Variants in PRRT1B observed in about 807,000 individuals in gnomAD.
The protein encoded by PRRT1B is dispanin subfamily D member 2.
intron 1 of PRRT1B, among the ~76,000 whole-genome samples, chr9:131,547,785 T>C (rs1405934124): frequency 2.0e-5 from 3 of 152,192 alleles, no homozygotes; most frequent in African/African-American, 7.2e-5. Flanking sequence ...GGCCTCTCTT[T>C]ACTCTCTTCT....
exon 2 of PRRT1B, chr9:131,554,969 C>G: frequency 2.6e-6 from 1 of 391,774 alleles, no homozygotes; most frequent in Non-Finnish European, 4.5e-6. Flanking sequence ...TCTACCCAGC[C>G]GCGCCCACGC....
At chr9:131,559,675 T>G (rs941988674), downstream of PRRT1B, among the ~76,000 whole-genome samples, 1 of 152,218 alleles carries the variant, frequency 6.6e-6, no homozygotes, top group African/African-American at 2.4e-5. Context: ...ACTCTGTGGA[T>G]TTTTGTTCAG....
At chr9:131,554,478 T>C in intron 1 of PRRT1B, 79 bp from the exon 2 acceptor site, 1 of 367,156 alleles carries the variant, frequency 2.7e-6, no homozygotes. Flanking sequence ...GGGAGCTTGG[T>C]TCGTGGGAAC....
At chr9:131,549,107 C>T (rs550758942) in intron 1 of PRRT1B, among the ~76,000 whole-genome samples, 11 of 152,264 alleles carry the variant, frequency 7.2e-5, no homozygotes, top group African/African-American at 2.6e-4. Flanking sequence ...CCAATCCGCT[C>T]CCGACATTAA....
chr9:131,551,144 G>A lies in PRRT1B; in HGVS notation c.26-3413G>A, dbSNP rs79722132. ...TTTTTAGTAGAGACGGGGTTACACC[G>A]TGTTAGCCAGGATGGTCTCAATCTC... On this transcript the variant is annotated intron_variant, in intron 1 of 3. Coordinates refer to ENST00000636672, the Ensembl canonical transcript of PRRT1B. The surrounding 1 kb of genome is among the most constrained non-coding windows in gnomAD (Gnocchi z 4.4). 0.12 allele frequency among the ~76,000 whole-genome samples: 18,564 copies of A among 151,528 alleles called. 1,362 individuals are homozygous for A. Among genetic ancestry groups the A allele is most frequent in the Middle Eastern group, 0.26 (77 of 294 alleles).
rs187382061 is a variant in PRRT1B, at chr9:131,548,708, C to T, written c.25+3068C>T. Among the ~76,000 whole-genome samples, 940 of 152,250 alleles carry T rather than the reference C, an allele frequency of 6.2e-3. 7 individuals are homozygous for T. The highest frequency in any genetic ancestry group is 0.019 in the South Asian group (93 of 4,818). Reference sequence around the variant, plus strand: ...CTTCCTTTTCTACAGACCCATCTGACCTCTCCCCTCCTCCCCAGGCTGCTC... The same window carrying T: ...CTTCCTTTTCTACAGACCCATCTGATCTCTCCCCTCCTCCCCAGGCTGCTC... On this transcript the variant is annotated intron_variant, in intron 1 of 3. Coordinates refer to ENST00000636672, the Ensembl canonical transcript of PRRT1B.
intron 3 of PRRT1B, among the ~76,000 whole-genome samples, chr9:131,556,714 C>G (rs1019780897): frequency 6.6e-6 from 1 of 152,052 alleles, no homozygotes; most frequent in Non-Finnish European, 1.5e-5. Context: ...TCACTGCAAC[C>G]TCCACCCTCT....
intron 1 of PRRT1B, among the ~76,000 whole-genome samples, chr9:131,548,187 C>T (rs1950987939): frequency 6.6e-6 from 1 of 152,106 alleles, no homozygotes; most frequent in African/African-American, 2.4e-5. Context: ...CTCTTCTCTC[C>T]ACTTTCCTGG....
At chr9:131,553,005 C>T (rs1951022086) in intron 1 of PRRT1B, among the ~76,000 whole-genome samples, 1 of 152,048 alleles carries the variant, frequency 6.6e-6, no homozygotes, top group Admixed American at 6.6e-5. Flanking sequence ...GTTTTGACTC[C>T]ACTCCGCAAC....
In PRRT1B at chr9:131,545,645, C is replaced by G. The variant is rs149154893; in HGVS notation, c.25+5C>G. ...AGGCAGGAGCTGGAGGGGCAGGTGC[C>G]GGAGGGGCAGGTGCTGGTGGGACAG... On this transcript the variant is annotated splice_donor_5th_base_variant and intron_variant, in intron 1 of 3. Coordinates refer to ENST00000636672, the Ensembl canonical transcript of PRRT1B. 2 of 391,528 alleles carry G rather than the reference C, an allele frequency of 5.1e-6. No individual in the cohort carries two copies. Among genetic ancestry groups the G allele is most frequent in the East Asian group, 7.1e-5 (2 of 28,032 alleles). The allele number at this position is 391,528 out of a possible 1,614,324, so 24.3% of individuals were successfully genotyped here.
rs1037051693 is a variant in PRRT1B at position 131,551,946 on chromosome 9, C to A, written c.26-2611C>A. Among the ~76,000 whole-genome samples the A allele has an allele frequency of 1.3e-5, 2 of 152,152 alleles. No individual in the cohort carries two copies. The highest frequency in any genetic ancestry group is 2.9e-5 in the Non-Finnish European group (2 of 68,036). On this transcript the variant is annotated intron_variant, in intron 1 of 3. Coordinates refer to ENST00000636672, the Ensembl canonical transcript of PRRT1B. The surrounding 1 kb of genome is among the most constrained non-coding windows in gnomAD (Gnocchi z 4.4). ...ACACGGACACGAGTGAAACCCGCCA[C>A]CACACCTGGCTAATTTTTGTATTTT... is the stretch of plus-strand genomic sequence containing the variant.
intron 1 of PRRT1B, among the ~76,000 whole-genome samples, chr9:131,549,929 G>A (rs982778217): frequency 6.6e-5 from 10 of 151,974 alleles, no homozygotes; most frequent in Admixed American, 1.3e-4. Flanking sequence ...TCTCATTGCC[G>A]CCCTTCTTCC....
At chr9:131,552,288 G>C (rs79480918) in intron 1 of PRRT1B, among the ~76,000 whole-genome samples, 1,819 of 152,254 alleles carry the variant, frequency 0.012, 31 homozygotes, top group African/African-American at 0.041. Context: ...CACAATGTCT[G>C]GCCAAGTGTG....
At position 131,553,866 on chromosome 9, in the gene PRRT1B, C is replaced by T. The variant is rs561275390; in HGVS notation, c.26-691C>T. 3.3e-5 allele frequency among the ~76,000 whole-genome samples: 5 copies of T among 152,288 alleles called. No homozygotes were observed. The South Asian group carries it at 1.0e-3, about 32-fold the overall frequency. On this transcript the variant is annotated intron_variant, in intron 1 of 3. Transcript: ENST00000636672. ...GTCGGGATGCTCTCAGGAGGTGCAG[C>T]CTTAAGAATTTGTTGGGACCTGACC... is the stretch of plus-strand genomic sequence containing the variant.
exon 2 of PRRT1B, chr9:131,554,690 C>T (rs1951035328): frequency 2.7e-6 from 1 of 373,642 alleles, no homozygotes; most frequent in Non-Finnish European, 4.8e-6. Context: ...GCCCGCGGAC[C>T]CTGGACGAGG....
chr9:131,551,859 G>A lies in PRRT1B; in HGVS notation c.26-2698G>A, dbSNP rs184763295. 5.3e-5 allele frequency among the ~76,000 whole-genome samples: 8 copies of A among 152,180 alleles called. No homozygotes were observed. The highest frequency in any genetic ancestry group is 7.3e-5 in the Non-Finnish European group (5 of 68,028). On this transcript the variant is annotated intron_variant, in intron 1 of 3. Transcript: ENST00000636672. This position sits in a 1 kb window ranked among gnomAD's most constrained non-coding sequence, Gnocchi z 4.4. ...CTGACTCTCTTTTTGGACTCAGCCTGCCTGCACCCAGGTGATTCAAAAGCT... is the reference window on the plus strand; with the variant it reads ...CTGACTCTCTTTTTGGACTCAGCCTACCTGCACCCAGGTGATTCAAAAGCT...
downstream of PRRT1B, among the ~76,000 whole-genome samples, chr9:131,559,708 A>G (rs1010913311): frequency 6.6e-6 from 1 of 152,226 alleles, no homozygotes; most frequent in Non-Finnish European, 1.5e-5. Context: ...GAGGTTCTGC[A>G]TTTCTAATAA....
chr9:131,546,763 C>A (rs535224072), intron 1 of PRRT1B, among the ~76,000 whole-genome samples: 1 of 152,278 alleles, frequency 6.6e-6, no homozygotes, highest in Non-Finnish European at 1.5e-5. Context: ...CCCGAGGCCC[C>A]CGCCAGGCAG....
chr9:131,550,366 C>T (rs1951002593), intron 1 of PRRT1B, among the ~76,000 whole-genome samples: 1 of 152,182 alleles, frequency 6.6e-6, no homozygotes, highest in South Asian at 2.1e-4. Flanking sequence ...CCCAGCCTCT[C>T]TTTGCTTTCA....
Sources: gnomAD v4.1 joint callset for allele counts (sites outside exome capture counted in the v4.1 genomes callset) on GRCh38, gnomAD v4.1.1 for gene constraint, Gnocchi (gnomAD v3.1) non-coding constraint, MANE v1.5 for transcripts, NCBI Gene and HGNC (gene_info 2026-07-23, HGNC 2026-07-21) for gene names.